EPS15: variants seen among roughly 807,000 people sequenced by gnomAD.
EPS15 encodes the protein epidermal growth factor receptor pathway substrate 15.
EPS15 carries 72 observed loss-of-function variants against 113.8 expected under a neutral mutation model. The ratio of observed to expected loss-of-function variants is 0.63; its 90% CI spans 0.52 to 0.77. The LOEUF (loss-of-function observed/expected upper bound fraction) is 0.77. Among genes scored for constraint, EPS15 ranks in the 30% least tolerant of loss-of-function variants. EPS15 has a pLI of 0.00. For synonymous variants in EPS15, 344 were observed against 363.4 expected (o/e 0.95, Z 0.61); for missense variants, 1,048 against 1,045.8 (o/e 1.00, Z -0.03).
At chr1:51,407,807 T>C (rs1366767576) in intron 15 of EPS15, among the ~76,000 whole-genome samples, 8 of 152,124 alleles carry the variant, frequency 5.3e-5, no homozygotes. Flanking sequence ...AGGGGTAGGG[T>C]ATTTATTAAT....
At chr1:51,406,560 G>A (rs1232168877) in intron 15 of EPS15, among the ~76,000 whole-genome samples, 1 of 152,140 alleles carries the variant, frequency 6.6e-6, no homozygotes, top group East Asian at 1.9e-4. Flanking sequence ...GGAATGCTAC[G>A]TGACTTAGAG....
intron 1 of EPS15, among the ~76,000 whole-genome samples, chr1:51,512,208 A>C (rs1485638312): frequency 2.0e-5 from 3 of 152,222 alleles, no homozygotes; most frequent in Non-Finnish European, 4.4e-5. Context: ...ATAAGTCACC[A>C]GTTCATTTTG....
At chr1:51,477,509 TG>T (rs1052055269) in intron 2 of EPS15, among the ~76,000 whole-genome samples, 36 of 152,330 alleles carry the variant, frequency 2.4e-4, no homozygotes, top group African/African-American at 7.5e-4. Flanking sequence ...TTGAATGTGC[TG>T]GCTCTTGCTT....
chr1:51,388,775 T>G (rs888309164), intron 21 of EPS15, among the ~76,000 whole-genome samples: 3 of 152,164 alleles, frequency 2.0e-5, no homozygotes, highest in Admixed American at 6.5e-5. Context: ...CAGGAAGAAG[T>G]TGACTCTCTG....
intron 13 of EPS15, among the ~76,000 whole-genome samples, chr1:51,415,969 GCTA>G: frequency 6.6e-6 from 1 of 151,586 alleles, no homozygotes; most frequent in South Asian, 2.1e-4. Flanking sequence ...TATTTGTAAG[GCTA>G]CCACCATCAC....
chr1:51,386,424 T>C (rs72694167), intron 21 of EPS15, among the ~76,000 whole-genome samples: 4,575 of 152,222 alleles, frequency 0.03, 74 homozygotes, highest in African/African-American at 0.05. Context: ...GAAGGTGATA[T>C]CTGAATTAAG....
In EPS15 at chr1:51,355,070, G is replaced by C. The variant is rs1242067996; in HGVS notation, c.*1630C>G. On this transcript the variant is annotated 3_prime_UTR_variant, in exon 25 of 25. Coordinates refer to ENST00000371733, the MANE Select transcript of EPS15 (RefSeq NM_001981.3). ...TATCAAAATTAAGCCTTGTGATTATGATTCAGCCCTTGCTTCATATGTATG... is the reference window on the plus strand; with the variant it reads ...TATCAAAATTAAGCCTTGTGATTATCATTCAGCCCTTGCTTCATATGTATG... The C allele has an allele frequency of 4.5e-6, 1 of 221,790 alleles. No homozygotes were observed. The highest frequency in any genetic ancestry group is 6.6e-5 in the East Asian group (1 of 15,078). 13.7% of individuals were successfully genotyped at this position (221,790 alleles called of 1,614,324 possible). A position where few individuals can be genotyped will look rare whatever the true frequency, so the allele number is the denominator to read the frequency against.
At chr1:51,389,248 G>T (rs933802606) in intron 21 of EPS15, among the ~76,000 whole-genome samples, 20 of 152,062 alleles carry the variant, frequency 1.3e-4, no homozygotes, top group Non-Finnish European at 2.6e-4. Flanking sequence ...TGCAGAAAAG[G>T]CCTTTGACAA....
At chr1:51,381,284 A>G (rs1201058996) in intron 21 of EPS15, among the ~76,000 whole-genome samples, 1 of 152,180 alleles carries the variant, frequency 6.6e-6, no homozygotes, top group East Asian at 1.9e-4. Flanking sequence ...AATTTTAAAA[A>G]ATTGAAATCA....
intron 8 of EPS15, among the ~76,000 whole-genome samples, chr1:51,452,675 G>A (rs1017474247): frequency 3.3e-5 from 5 of 152,136 alleles, no homozygotes; most frequent in African/African-American, 1.2e-4. Flanking sequence ...TTTAAGAAGT[G>A]ATACAGTGGG....
At chr1:51,495,547 C>CA (rs1644311175) in intron 1 of EPS15, among the ~76,000 whole-genome samples, 1 of 151,072 alleles carries the variant, frequency 6.6e-6, no homozygotes, top group Non-Finnish European at 1.5e-5. Flanking sequence ...ACAAATTTTT[C>CA]AAAAAAATCA....
At chr1:51,436,973 T>C (rs1652199736) in intron 12 of EPS15, among the ~76,000 whole-genome samples, 1 of 152,204 alleles carries the variant, frequency 6.6e-6, no homozygotes, top group African/African-American at 2.4e-5. Flanking sequence ...TCGATGAGTG[T>C]TATATTACAA....
rs1298594745 is a variant in EPS15 at position 51,399,179 on chromosome 1, G to A, written c.1919-14C>T. Reference sequence around the variant, plus strand: ...CACCAAATGGATCTAAAAAAATAAGGCACGAATATAAGAGACAAAAAAAAA... The same window carrying A: ...CACCAAATGGATCTAAAAAAATAAGACACGAATATAAGAGACAAAAAAAAA... On this transcript the variant is annotated splice_polypyrimidine_tract_variant and intron_variant, in intron 19 of 24. Transcript: ENST00000371733. 1 of 1,611,162 alleles carries A rather than the reference G, an allele frequency of 6.2e-7. No homozygotes were observed. Among genetic ancestry groups the A allele is most frequent in the African/African-American group, 1.3e-5 (1 of 74,818 alleles).
chr1:51,463,830 A>C lies in EPS15; in HGVS notation c.376-32T>G, dbSNP rs1654650071. 4 of 1,428,900 alleles carry C rather than the reference A, an allele frequency of 2.8e-6. No individual in the cohort carries two copies. The South Asian group carries it at 3.7e-5, about 13-fold the overall frequency. 88.5% of individuals were successfully genotyped at this position (1,428,900 alleles called of 1,614,324 possible). A position where few individuals can be genotyped will look rare whatever the true frequency, so the allele number is the denominator to read the frequency against. On this transcript the variant is annotated intron_variant, in intron 6 of 24. Coordinates refer to ENST00000371733, the MANE Select transcript of EPS15 (RefSeq NM_001981.3). ...TAAAAAACAAAATCACAAGTTAAATAATAAGAGAAAAGGATTTAACTGCAG... is the reference window on the plus strand; with the variant it reads ...TAAAAAACAAAATCACAAGTTAAATCATAAGAGAAAAGGATTTAACTGCAG...
At chr1:51,422,170 G>GACA in intron 12 of EPS15, 1 of 555,148 alleles carries the variant, frequency 1.8e-6, no homozygotes. Context: ...TGGAAATAGT[G>GACA]TCCAATGAAA....
chr1:51,453,121 C>A (rs1197388433), intron 8 of EPS15, among the ~76,000 whole-genome samples: 1 of 152,168 alleles, frequency 6.6e-6, no homozygotes, highest in Non-Finnish European at 1.5e-5. Context: ...ACACTTCCAA[C>A]CAAATTCACA....
chr1:51,507,764 A>G (rs1346174570), intron 1 of EPS15, among the ~76,000 whole-genome samples: 1 of 151,614 alleles, frequency 6.6e-6, no homozygotes, highest in African/African-American at 2.4e-5. Flanking sequence ...CTACATTTGG[A>G]AAAAAAAGAA....
chr1:51,398,054 A>ATT (rs796357920), intron 20 of EPS15, among the ~76,000 whole-genome samples: 6 of 143,292 alleles, frequency 4.2e-5, no homozygotes, highest in African/African-American at 7.6e-5. Flanking sequence ...CAAGATGAAG[A>ATT]TTTTTTTTTT....
intron 12 of EPS15, among the ~76,000 whole-genome samples, chr1:51,440,008 T>C (rs980240056): frequency 1.3e-5 from 2 of 152,112 alleles, no homozygotes; most frequent in African/African-American, 4.8e-5. Flanking sequence ...TTCTAGGATA[T>C]ACGTTTTTTC....
Sources: allele counts gnomAD v4.1 joint callset (sites outside exome capture counted in the v4.1 genomes callset), GRCh38; gene constraint gnomAD v4.1.1; transcripts MANE v1.5; gene names NCBI Gene and HGNC (gene_info 2026-07-23, HGNC 2026-07-21).